NRCAM: variants seen among roughly 807,000 people sequenced by gnomAD.
NRCAM encodes NgCAM-related cell adhesion molecule.
A neutral mutation model predicts 156.5 loss-of-function variants in NRCAM; 83 were observed. That is an observed-to-expected ratio of 0.53 (90% confidence interval 0.44 to 0.64). NRCAM has a LOEUF of 0.64. Among genes scored for constraint, NRCAM ranks in the 30% least tolerant of loss-of-function variants. The pLI is 0.00. For synonymous variants in NRCAM, 538 were observed against 563.9 expected (o/e 0.95, Z 0.65); for missense variants, 1,417 against 1,597.3 (o/e 0.89, Z 1.92).
intron 3 of NRCAM, among the ~76,000 whole-genome samples, chr7:108,263,373 G>C (rs187072100): frequency 6.0e-4 from 92 of 152,278 alleles, no homozygotes; most frequent in African/African-American, 2.1e-3. Context: ...AACTCCAAAG[G>C]TTAGAAAGAA....
chr7:108,308,764 A>C (rs571610317), intron 3 of NRCAM, among the ~76,000 whole-genome samples: 2 of 152,242 alleles, frequency 1.3e-5, no homozygotes, highest in East Asian at 3.9e-4. Context: ...AGCAGCCCAG[A>C]GTGGTGGGAG....
At chr7:108,385,007 CATAAAAGACAA>C in intron 2 of NRCAM, among the ~76,000 whole-genome samples, 1 of 152,220 alleles carries the variant, frequency 6.6e-6, no homozygotes, top group South Asian at 2.1e-4. Flanking sequence ...AAAATAAGAT[CATAAAAGACAA>C]ATGACTTTCT....
intron 3 of NRCAM, among the ~76,000 whole-genome samples, chr7:108,253,257 A>C (rs2096462691): frequency 6.6e-6 from 1 of 152,240 alleles, no homozygotes; most frequent in African/African-American, 2.4e-5. Context: ...CTGTATGAGA[A>C]TATAACTAAA....
At chr7:108,451,441 C>T (rs6976752) in intron 1 of NRCAM, among the ~76,000 whole-genome samples, 37,313 of 151,808 alleles carry the variant, frequency 0.25, 4,897 homozygotes, top group Non-Finnish European at 0.29. Context: ...TATGATCTAG[C>T]AGTCTCATTT....
chr7:108,236,722 T>C (rs2095055598), intron 5 of NRCAM, among the ~76,000 whole-genome samples: 1 of 152,296 alleles, frequency 6.6e-6, no homozygotes, highest in Admixed American at 6.5e-5. Context: ...ATTTTTTATT[T>C]GGACCAGATT....
rs1340395451 is a variant in NRCAM, at chr7:108,332,417, C to T, written c.-173-19686G>A. Among the ~76,000 whole-genome samples the T allele has an allele frequency of 2.0e-5, 3 of 152,190 alleles. No individual in the cohort carries two copies. In the East Asian group the frequency reaches 5.8e-4, roughly 29 times the overall value. On this transcript the variant is annotated intron_variant, in intron 2 of 32. Transcript: ENST00000379028. ...ATCAAAACACCAAGAATGAAATTTG[C>T]TTTTTTGTGAAGACAGTCATCTCAC...
chr7:108,162,610 G>A (rs1201486670), intron 30 of NRCAM, among the ~76,000 whole-genome samples: 2 of 152,240 alleles, frequency 1.3e-5, no homozygotes, highest in Non-Finnish European at 2.9e-5. Flanking sequence ...CTGACTGGCA[G>A]TTTGCTGCTA....
At chr7:108,192,203 GC>G (rs1182642824) in intron 17 of NRCAM, among the ~76,000 whole-genome samples, 1 of 151,976 alleles carries the variant, frequency 6.6e-6, no homozygotes, top group Admixed American at 6.6e-5. Context: ...GTTTCCTTAG[GC>G]CCCAGGGGAA....
chr7:108,229,641 G>A (rs1023766894), intron 8 of NRCAM, among the ~76,000 whole-genome samples: 5 of 152,088 alleles, frequency 3.3e-5, no homozygotes, highest in East Asian at 1.9e-4. Flanking sequence ...CAGGACTTAC[G>A]CACTAAGGTT....
intron 13 of NRCAM, among the ~76,000 whole-genome samples, chr7:108,202,487 T>C (rs1354688604): frequency 5.9e-5 from 9 of 152,234 alleles, no homozygotes; most frequent in Non-Finnish European, 1.2e-4. Flanking sequence ...ATGAGGTTAC[T>C]GCTCAGGTTT....
intron 3 of NRCAM, among the ~76,000 whole-genome samples, chr7:108,264,998 G>A (rs1383527844): frequency 6.6e-6 from 1 of 152,200 alleles, no homozygotes; most frequent in East Asian, 1.9e-4. Context: ...ACATCTGGAT[G>A]TGAAGCCCCA....
rs112945725 is a variant in NRCAM, at chr7:108,371,356, C to A, written c.-174+28080G>T. ...TGCTGTTTTAGTTCTTGTTCAGCAACCTCCCCCACTGCCTTCTACTCTGCC... is the reference window on the plus strand; with the variant it reads ...TGCTGTTTTAGTTCTTGTTCAGCAAACTCCCCCACTGCCTTCTACTCTGCC... On this transcript the variant is annotated intron_variant, in intron 2 of 32. Coordinates refer to ENST00000379028, the MANE Select transcript of NRCAM (RefSeq NM_001037132.4). 9.1e-3 allele frequency among the ~76,000 whole-genome samples: 1,371 copies of A among 150,346 alleles called. 26 individuals carry two copies. Among genetic ancestry groups the A allele is most frequent in the African/African-American group, 0.032 (1,290 of 39,824 alleles).
At chr7:108,282,942 T>C (rs1350526081) in intron 3 of NRCAM, among the ~76,000 whole-genome samples, 1 of 152,196 alleles carries the variant, frequency 6.6e-6, no homozygotes, top group Non-Finnish European at 1.5e-5. Flanking sequence ...TCAGAAGTTC[T>C]GGGGGTGGGA....
At chr7:108,193,018 C>CT (rs1436994591) in intron 17 of NRCAM, among the ~76,000 whole-genome samples, 2 of 152,134 alleles carry the variant, frequency 1.3e-5, no homozygotes, top group Non-Finnish European at 2.9e-5. Context: ...ATGGTCATTT[C>CT]TTTATGTTTC....
At position 108,240,109 on chromosome 7, in the gene NRCAM, T is replaced by C. The variant is rs746863028; in HGVS notation, c.-45A>G. 27 of 1,376,098 alleles carry C rather than the reference T, an allele frequency of 2.0e-5. No homozygotes were observed. The highest frequency in any genetic ancestry group is 2.1e-5 in the Non-Finnish European group (20 of 975,520). The allele number at this position is 1,376,098 out of a possible 1,614,324, so 85.2% of individuals were successfully genotyped here. Reference sequence around the variant, plus strand: ...ACTCACACACTGAATTTCCTTTTCTTCTTTCACAAAAGATTTTGTGAAACG... The same window carrying C: ...ACTCACACACTGAATTTCCTTTTCTCCTTTCACAAAAGATTTTGTGAAACG... On this transcript the variant is annotated 5_prime_UTR_variant, in exon 4 of 33. Transcript: ENST00000379028.
chr7:108,303,134 A>C (rs1006703209), intron 3 of NRCAM, among the ~76,000 whole-genome samples: 1 of 151,700 alleles, frequency 6.6e-6, no homozygotes, highest in Non-Finnish European at 1.5e-5. Flanking sequence ...GGTAATTTTT[A>C]TATTTTTAGT....
At chr7:108,257,121 G>A (rs1590373518) in intron 3 of NRCAM, among the ~76,000 whole-genome samples, 1 of 150,482 alleles carries the variant, frequency 6.6e-6, no homozygotes, top group African/African-American at 2.5e-5. Context: ...AAGAAAAGAA[G>A]AGAAAGGAAG....
intron 2 of NRCAM, among the ~76,000 whole-genome samples, chr7:108,351,561 G>C (rs2099412865): frequency 6.6e-6 from 1 of 152,162 alleles, no homozygotes; most frequent in African/African-American, 2.4e-5. Context: ...TATAAGATTT[G>C]GGATAGGCTT....
chr7:108,270,265 C>G (rs921416780), intron 3 of NRCAM, among the ~76,000 whole-genome samples: 7 of 152,314 alleles, frequency 4.6e-5, no homozygotes, highest in African/African-American at 1.7e-4. Flanking sequence ...TGAGTTGGAA[C>G]TGGGCTTTAG....
Sources: allele counts gnomAD v4.1 joint callset (sites outside exome capture counted in the v4.1 genomes callset), GRCh38; gene constraint gnomAD v4.1.1; transcripts MANE v1.5; gene names NCBI Gene and HGNC (gene_info 2026-07-23, HGNC 2026-07-21).